The following CSMD3 variants were observed in gnomAD, a reference collection of about 807,000 sequenced individuals.
CSMD3 encodes the protein CUB and Sushi multiple domains 3.
Under a neutral mutation model 435.2 loss-of-function variants are expected in CSMD3, and 177 were observed. The observed-to-expected ratio is 0.41, with a 90% CI of 0.36 to 0.46. The LOEUF (loss-of-function observed/expected upper bound fraction) is 0.46. Ranked by LOEUF, CSMD3 falls within the 20% of genes least tolerant of loss-of-function variation. The pLI is 0.34. For missense variants in CSMD3, 4,265 were observed against 4,504.6 expected (o/e 0.95, Z 1.52); for synonymous variants, 1,656 against 1,520.5 (o/e 1.09, Z -2.07).
chr8:113,377,826 A>T (rs745334337), intron 1 of CSMD3, among the ~76,000 whole-genome samples: 5 of 152,152 alleles, frequency 3.3e-5, no homozygotes, highest in African/African-American at 4.8e-5. Flanking sequence ...TATCTGCCAA[A>T]AGTTATTTAT....
intron 4 of CSMD3, among the ~76,000 whole-genome samples, chr8:113,147,325 A>G (rs1481591581): frequency 6.6e-6 from 1 of 151,750 alleles, no homozygotes; most frequent in Admixed American, 6.6e-5. Flanking sequence ...ATATTGCATA[A>G]AAGTTTTCAT....
intron 12 of CSMD3, among the ~76,000 whole-genome samples, chr8:112,823,848 A>G (rs1349236745): frequency 6.6e-6 from 1 of 152,200 alleles, no homozygotes; most frequent in Non-Finnish European, 1.5e-5. Context: ...CACTTGATCC[A>G]TAGATCAATT....
At chr8:112,931,249 A>G (rs1007871937) in intron 9 of CSMD3, among the ~76,000 whole-genome samples, 5 of 152,044 alleles carry the variant, frequency 3.3e-5, no homozygotes, top group African/African-American at 1.2e-4. Flanking sequence ...TAACATAATG[A>G]CTATGCTATA....
chr8:112,727,708 G>A (rs2076995168), intron 13 of CSMD3, among the ~76,000 whole-genome samples: 2 of 151,732 alleles, frequency 1.3e-5, no homozygotes, highest in African/African-American at 4.8e-5. Context: ...TACAATTACT[G>A]TGATCTAGGA....
chr8:112,795,863 C>A (rs1486875078), intron 13 of CSMD3, among the ~76,000 whole-genome samples: 1 of 152,010 alleles, frequency 6.6e-6, no homozygotes. Context: ...AAATACCACA[C>A]AAGTATACAA....
chr8:113,023,587 T>G (rs766391645), intron 5 of CSMD3, among the ~76,000 whole-genome samples: 1 of 152,156 alleles, frequency 6.6e-6, no homozygotes, highest in Non-Finnish European at 1.5e-5. Context: ...TCAAATTTTA[T>G]TCTTTCATCT....
chr8:112,866,238 C>A (rs533128255), intron 10 of CSMD3, among the ~76,000 whole-genome samples: 60 of 152,226 alleles, frequency 3.9e-4, no homozygotes, highest in African/African-American at 1.3e-3. Context: ...ACTATCCCTG[C>A]ATCTTCATAT....
Position 112,506,721 on chromosome 8 carries a change from G to A in CSMD3, c.4865C>T (p.Ala1622Val), listed in dbSNP as rs748753923. The A allele has an allele frequency of 1.3e-5, 21 of 1,613,542 alleles. No homozygotes were observed. In the East Asian group the frequency reaches 4.7e-4, roughly 36 times the overall value. ...RDCDWTITVNADYVISLAFIS... is the reference protein window; with the variant it reads ...RDCDWTITVNVDYVISLAFIS... Reference sequence around the variant, plus strand: ...GAACGCCAAGGAGATAACATAGTCTGCATTGACGGTGATAGTCCAGTCACA... The same window carrying A: ...GAACGCCAAGGAGATAACATAGTCTACATTGACGGTGATAGTCCAGTCACA... The change falls in exon 29 of 71, where the codon GCA (alanine) becomes GTA (valine). Residue 1622 changes from alanine (A) to valine (V), a missense_variant. Around this residue, in one of 3 missense-constraint regions of CSMD3, gnomAD observed 3,255 missense variants for 3,380.2 expected, o/e 0.96. Transcript: ENST00000297405.
intron 1 of CSMD3, among the ~76,000 whole-genome samples, chr8:113,373,387 T>C (rs1210108694): frequency 6.6e-6 from 1 of 152,170 alleles, no homozygotes; most frequent in East Asian, 1.9e-4. Context: ...TTTTTTATTT[T>C]GATCCCTGTT....
chr8:112,292,750 A>G (rs74731013), intron 54 of CSMD3, 40 bp from the exon 55 acceptor site: 1 of 1,553,772 alleles, frequency 6.4e-7, no homozygotes, highest in Non-Finnish European at 8.9e-7. Flanking sequence ...GGAAACACAG[A>G]AAAAAAATAT....
In CSMD3 at chr8:113,029,099, CA is replaced by C. The variant is rs549165277; in HGVS notation, c.918-9921del. On this transcript the variant is annotated intron_variant, in intron 5 of 70. Transcript: ENST00000297405. Reference sequence around the variant, plus strand: ...TTGAAGCTAATGCTCATTTATTATTCAAAAATCCTAGAGCCCTTACAAATCA... The same window carrying C: ...TTGAAGCTAATGCTCATTTATTATTCAAAATCCTAGAGCCCTTACAAATCA... Among the ~76,000 whole-genome samples, 132 of 151,530 alleles carry C rather than the reference CA, an allele frequency of 8.7e-4. 7 individuals carry two copies. The East Asian group carries it at 9.5e-3, about 11-fold the overall frequency.
intron 25 of CSMD3, among the ~76,000 whole-genome samples, chr8:112,552,939 A>AC (rs567616062): frequency 1.8e-3 from 270 of 152,218 alleles, no homozygotes; most frequent in African/African-American, 6.2e-3. Flanking sequence ...CAAAACTGAA[A>AC]CCTACTTAAA....
rs945824402 is a variant in CSMD3, at chr8:112,921,501, A to C, written c.1633+126T>G. On this transcript the variant is annotated intron_variant, in intron 10 of 70. Transcript: ENST00000297405. ...GCAGATTTTCTATAAATATCAATAA[A>C]TATATGAGCACAATCTTTCCTTAAA... The C allele has an allele frequency of 2.3e-5, 20 of 852,716 alleles. No individual in the cohort carries two copies. In the African/African-American group the frequency reaches 3.3e-4, roughly 14 times the overall value. 52.8% of individuals were successfully genotyped at this position (852,716 alleles called of 1,614,324 possible). A position where few individuals can be genotyped will look rare whatever the true frequency, so the allele number is the denominator to read the frequency against.
intron 3 of CSMD3, among the ~76,000 whole-genome samples, chr8:113,196,381 G>A (rs1284356822): frequency 1.3e-5 from 2 of 151,222 alleles, no homozygotes; most frequent in Admixed American, 1.3e-4. Flanking sequence ...ACTTATTTGG[G>A]AAAGGTGGGC....
chr8:112,891,564 T>C (rs1403123351), intron 10 of CSMD3, among the ~76,000 whole-genome samples: 1 of 151,486 alleles, frequency 6.6e-6, no homozygotes, highest in African/African-American at 2.4e-5. Flanking sequence ...AGGTTCTATC[T>C]AGGCCTAGTT....
intron 6 of CSMD3, among the ~76,000 whole-genome samples, chr8:112,997,659 A>C (rs1425703643): frequency 1.3e-5 from 2 of 151,582 alleles, no homozygotes; most frequent in East Asian, 1.9e-4. Context: ...AACCCTCTTC[A>C]AAACTAATTA....
intron 2 of CSMD3, among the ~76,000 whole-genome samples, chr8:113,285,279 T>G (rs1025583414): frequency 6.8e-6 from 1 of 146,012 alleles, no homozygotes; most frequent in Non-Finnish European, 1.5e-5. Flanking sequence ...TTTTTTTTTT[T>G]GACAGAGTCT....
intron 11 of CSMD3, among the ~76,000 whole-genome samples, chr8:112,844,902 T>G (rs2080275377): frequency 6.6e-6 from 1 of 152,008 alleles, no homozygotes; most frequent in African/African-American, 2.4e-5. Flanking sequence ...CATAATTTAT[T>G]TGAATTCCTT....
chr8:112,468,782 C>G (rs1465993033), intron 32 of CSMD3, among the ~76,000 whole-genome samples: 1 of 151,546 alleles, frequency 6.6e-6, no homozygotes, highest in African/African-American at 2.4e-5. Context: ...ATCCAAAAAG[C>G]CAAATGTATT....
Sources: gnomAD v4.1 joint callset for allele counts (sites outside exome capture counted in the v4.1 genomes callset) on GRCh38, gnomAD v4.1.1 for gene constraint, gnomAD v4.1.1 regional missense constraint, MANE v1.5 for transcripts, NCBI Gene and HGNC (gene_info 2026-07-23, HGNC 2026-07-21) for gene names.